The following TMEM117 variants were observed in gnomAD, a reference collection of about 807,000 sequenced individuals.
TMEM117 encodes transmembrane protein 117.
Under a neutral mutation model 52.4 loss-of-function variants are expected in TMEM117, and 27 were observed. The ratio of observed to expected loss-of-function variants is 0.51; its 90% confidence interval spans 0.38 to 0.71. TMEM117 has a LOEUF of 0.71. Ranked by LOEUF, TMEM117 falls within the 30% of genes least tolerant of loss-of-function variation. TMEM117 has a pLI of 0.00. For synonymous variants in TMEM117, 215 were observed against 206.3 expected (o/e 1.04, Z -0.36); for missense variants, 556 against 630.5 (o/e 0.88, Z 1.26).
At chr12:44,345,671 G>T (rs987799258) in intron 6 of TMEM117, among the ~76,000 whole-genome samples, 1 of 152,090 alleles carries the variant, frequency 6.6e-6, no homozygotes, top group Admixed American at 6.6e-5. Context: ...AATCCGTGGA[G>T]ATTAAGTTAA....
chr12:43,863,140 G>A (rs1241557914), intron 2 of TMEM117, among the ~76,000 whole-genome samples: 5 of 152,036 alleles, frequency 3.3e-5, no homozygotes, highest in South Asian at 2.1e-4. Flanking sequence ...CAGCTACTCC[G>A]GAGCCTGAGG....
At chr12:43,881,158 T>C (rs1296064659) in intron 2 of TMEM117, among the ~76,000 whole-genome samples, 1 of 152,244 alleles carries the variant, frequency 6.6e-6, no homozygotes, top group Non-Finnish European at 1.5e-5. Flanking sequence ...CCTATATATT[T>C]TATGTTTGGT....
At chr12:44,311,090 A>C (rs12308857) in intron 6 of TMEM117, among the ~76,000 whole-genome samples, 6,085 of 152,178 alleles carry the variant, frequency 0.04, 417 homozygotes, top group African/African-American at 0.14. Flanking sequence ...TTCTCCTATA[A>C]AACTATATCA....
At chr12:43,827,086 T>C in the TMEM117 span, among the ~76,000 whole-genome samples, 1 of 151,370 alleles carries the variant, frequency 6.6e-6, no homozygotes, top group African/African-American at 2.4e-5. Context: ...AAGAATGCAA[T>C]GGAAGAAACA....
chr12:43,831,380 G>A (rs1475796757), upstream of TMEM117, among the ~76,000 whole-genome samples: 3 of 151,886 alleles, frequency 2.0e-5, no homozygotes, highest in Non-Finnish European at 4.4e-5. Context: ...ATTTAGAGAG[G>A]ATAAATTGGT....
intron 7 of TMEM117, 98 bp from the exon 8 acceptor site, chr12:44,387,928 A>G (rs1190141062): frequency 2.8e-6 from 3 of 1,083,810 alleles, no homozygotes; most frequent in Admixed American, 5.4e-5. Flanking sequence ...AAACATTAAC[A>G]ATTGATGTTA....
intron 5 of TMEM117, among the ~76,000 whole-genome samples, chr12:44,297,018 C>T (rs1054913102): frequency 2.6e-5 from 4 of 152,076 alleles, no homozygotes; most frequent in East Asian, 1.9e-4. Context: ...ATCCAAAGCT[C>T]GAAAAAGGCA....
chr12:44,342,788 G>A (rs1951434646), intron 6 of TMEM117, among the ~76,000 whole-genome samples: 1 of 152,090 alleles, frequency 6.6e-6, no homozygotes, highest in South Asian at 2.1e-4. Context: ...TCTGGCAAAT[G>A]TAGATTGAGA....
At chr12:43,806,198 C>G in the TMEM117 span, 1 of 1,539,404 alleles carries the variant, frequency 6.5e-7, no homozygotes, top group Non-Finnish European at 8.7e-7. Context: ...CCCTTCCCTG[C>G]GAGTCGCGCC....
In TMEM117 at chr12:43,892,028, A is replaced by G. The variant is rs567941175; in HGVS notation, c.277+47100A>G. ...TTGTCAATAATTAGTCATCAAATCT[A>G]CCTTATAAGCTGCTGTCAAAATACT... On this transcript the variant is annotated intron_variant, in intron 2 of 7. Coordinates refer to ENST00000266534, the MANE Select transcript of TMEM117 (RefSeq NM_032256.3). 2.6e-5 allele frequency among the ~76,000 whole-genome samples: 4 copies of G among 152,224 alleles called. No homozygotes were observed. The South Asian group carries it at 6.2e-4, about 24-fold the overall frequency.
chr12:44,205,179 G>A (rs1169304873), intron 4 of TMEM117, among the ~76,000 whole-genome samples: 1 of 152,154 alleles, frequency 6.6e-6, no homozygotes, highest in East Asian at 1.9e-4. Flanking sequence ...ACCCTCACAT[G>A]TCAAGGGAGG....
At chr12:43,864,472 C>G (rs147276294) in intron 2 of TMEM117, among the ~76,000 whole-genome samples, 1 of 152,260 alleles carries the variant, frequency 6.6e-6, no homozygotes, top group Non-Finnish European at 1.5e-5. Context: ...AATCAGCACC[C>G]TGTGTCTAGC....
At chr12:44,188,994 A>G (rs1949316489) in intron 4 of TMEM117, among the ~76,000 whole-genome samples, 1 of 152,164 alleles carries the variant, frequency 6.6e-6, no homozygotes, top group African/African-American at 2.4e-5. Flanking sequence ...ACATTCATAT[A>G]ATGTGTAAAG....
At position 44,388,853 on chromosome 12, in the gene TMEM117, C is replaced by T. The variant is rs907762542; in HGVS notation, c.*181C>T. ...TGTTTTCTATTTGTATTATAATACACGTGCCTACTGTATACTCAACAGTCC... is the reference window on the plus strand; with the variant it reads ...TGTTTTCTATTTGTATTATAATACATGTGCCTACTGTATACTCAACAGTCC... On this transcript the variant is annotated 3_prime_UTR_variant, in exon 8 of 8. Coordinates refer to ENST00000266534, the MANE Select transcript of TMEM117 (RefSeq NM_032256.3). 2.4e-5 allele frequency: 16 copies of T among 677,224 alleles called. No homozygotes were observed. The highest frequency in any genetic ancestry group is 1.8e-4 in the Admixed American group (6 of 33,706). The allele number at this position is 677,224 out of a possible 1,614,324, so 42.0% of individuals were successfully genotyped here. A position where few individuals can be genotyped will look rare whatever the true frequency, so the allele number is the denominator to read the frequency against.
intron 3 of TMEM117, among the ~76,000 whole-genome samples, chr12:44,117,695 G>A (rs1465917463): frequency 6.6e-6 from 1 of 152,086 alleles, no homozygotes; most frequent in African/African-American, 2.4e-5. Flanking sequence ...ACTTACTTTA[G>A]AGCTTCACTT....
intron 5 of TMEM117, among the ~76,000 whole-genome samples, chr12:44,260,808 T>A (rs1950311798): frequency 6.6e-6 from 1 of 152,196 alleles, no homozygotes; most frequent in Non-Finnish European, 1.5e-5. Flanking sequence ...AAATCATAGA[T>A]CCTGGCAGTG....
the TMEM117 span, among the ~76,000 whole-genome samples, chr12:43,808,995 A>G: frequency 1.3e-5 from 2 of 152,214 alleles, no homozygotes; most frequent in African/African-American, 4.8e-5. Flanking sequence ...AAAGAGAACT[A>G]TAACTGCAAG....
At chr12:43,987,139 A>T (rs1333863854) in intron 3 of TMEM117, among the ~76,000 whole-genome samples, 3 of 152,168 alleles carry the variant, frequency 2.0e-5, no homozygotes, top group Non-Finnish European at 2.9e-5. Flanking sequence ...GTGTCTTTAT[A>T]AGAAGAGTTA....
chr12:44,279,517 T>TC (rs200340506), intron 5 of TMEM117, among the ~76,000 whole-genome samples: 4 of 144,398 alleles, frequency 2.8e-5, no homozygotes, highest in African/African-American at 1.0e-4. Context: ...CTTTTCTTCT[T>TC]TTTTTTTTTT....
Sources: allele counts gnomAD v4.1 joint callset (sites outside exome capture counted in the v4.1 genomes callset), GRCh38; gene constraint gnomAD v4.1.1; transcripts MANE v1.5; gene names NCBI Gene and HGNC (gene_info 2026-07-23, HGNC 2026-07-21).